BDP1: variants seen among roughly 807,000 people sequenced by gnomAD.
The protein encoded by BDP1 is BDP1 general transcription factor IIIB subunit.
A neutral mutation model predicts 266.6 loss-of-function variants in BDP1; 169 were observed. The ratio of observed to expected loss-of-function variants is 0.63; its 90% confidence interval spans 0.56 to 0.72. BDP1 has a LOEUF of 0.72. Ranked by LOEUF, BDP1 falls within the 30% of genes least tolerant of loss-of-function variation. The pLI is 0.00. For missense variants in BDP1, 3,015 were observed against 3,053.8 expected, an observed-to-expected ratio of 0.99 and a Z score of 0.30; for synonymous variants, 1,090 against 1,022.4, an observed-to-expected ratio of 1.07 and a Z score of -1.26.
At chr5:71,546,542 C>G (rs907096873) in intron 32 of BDP1, among the ~76,000 whole-genome samples, 1 of 140,870 alleles carries the variant, frequency 7.1e-6, no homozygotes, top group Non-Finnish European at 1.5e-5. Context: ...TGCTTGAACC[C>G]AGGAGACAGA....
chr5:71,495,247 T>A lies in BDP1; in HGVS notation c.1641-3T>A. 1 of 1,520,290 alleles carries A rather than the reference T, an allele frequency of 6.6e-7. No individual in the cohort carries two copies. The highest frequency in any genetic ancestry group is 8.8e-7 in the Non-Finnish European group (1 of 1,132,766). 94.2% of individuals were successfully genotyped at this position (1,520,290 alleles called of 1,614,324 possible). The stretch of plus-strand genomic sequence containing the variant: ...TCTCTCTGAAATATTTTCTTTTTTT[T>A]AGTAATCAACAAGATGCCACATCAG... On this transcript the variant is annotated splice_region_variant and splice_polypyrimidine_tract_variant and intron_variant, in intron 11 of 38. Transcript: ENST00000358731.
chr5:71,554,741 A>G (rs1460486363), intron 35 of BDP1, among the ~76,000 whole-genome samples: 7 of 147,402 alleles, frequency 4.7e-5, no homozygotes, highest in Non-Finnish European at 7.5e-5. Flanking sequence ...TTTATTTTCT[A>G]AACTTTGTTT....
intron 25 of BDP1, among the ~76,000 whole-genome samples, chr5:71,526,651 T>A (rs1580147950): frequency 3.2e-5 from 4 of 125,002 alleles, no homozygotes; most frequent in African/African-American, 8.8e-5. Flanking sequence ...AGTGCTAAAA[T>A]ACATGTAACA....
intron 25 of BDP1, among the ~76,000 whole-genome samples, chr5:71,530,052 C>T (rs277969): frequency 0.48 from 72,908 of 152,022 alleles, 17,738 homozygotes; most frequent in South Asian, 0.55. Flanking sequence ...AGTGGGTTAA[C>T]TGTATGTTAT....
intron 25 of BDP1, among the ~76,000 whole-genome samples, chr5:71,528,400 A>G (rs1246311868): frequency 2.0e-5 from 3 of 152,138 alleles, no homozygotes; most frequent in African/African-American, 7.2e-5. Context: ...CTTAATTTTC[A>G]GTCACTTCTT....
intron 38 of BDP1, 24 bp downstream of exon 38, chr5:71,562,544 A>G (rs1172468130): frequency 5.6e-6 from 9 of 1,604,652 alleles, no homozygotes; most frequent in Admixed American, 1.7e-5. Context: ...ACTGTATTTT[A>G]TAGTTTGTAT....
chr5:71,523,904 A>T (rs1482239306), intron 24 of BDP1, 35 bp from the exon 25 acceptor site: 2 of 1,561,688 alleles, frequency 1.3e-6, no homozygotes, highest in South Asian at 2.4e-5. Context: ...CCTTGCATGC[A>T]TATGACCTTA....
At chr5:71,563,565 T>G (rs1298609581) in intron 38 of BDP1, among the ~76,000 whole-genome samples, 1 of 152,234 alleles carries the variant, frequency 6.6e-6, no homozygotes, top group Non-Finnish European at 1.5e-5. Context: ...CATTTTTTAT[T>G]TCTGTTTAAT....
In BDP1 at chr5:71,545,204, A is replaced by T. The variant is rs1179745547; in HGVS notation, c.6729A>T (p.Thr2243=). Residue 2243 remains threonine, a synonymous_variant, in exon 32 of 39, where the codon ACA becomes ACT. Transcript: ENST00000358731. ...ACTCTAAAGGAGACAGTGTGCTTAC[A>T]CTTCCTGTGCCAGAGGTAAAAGAAT... ...IKDSKGDSVL[T]LPVPEYTPTS... 1.2e-6 allele frequency: 2 copies of T among 1,613,208 alleles called. No homozygotes were observed. The highest frequency in any genetic ancestry group is 2.7e-5 in the African/African-American group (2 of 74,746).
At chr5:71,487,013 G>A (rs1278413879) in intron 9 of BDP1, among the ~76,000 whole-genome samples, 1 of 152,166 alleles carries the variant, frequency 6.6e-6, no homozygotes, top group East Asian at 1.9e-4. Context: ...TGACTAGACT[G>A]TATTGGTTGA....
At chr5:71,464,255 C>T (rs765036476) in intron 4 of BDP1, 138 bp downstream of exon 4, 21 of 549,482 alleles carry the variant, frequency 3.8e-5, no homozygotes, top group East Asian at 2.9e-4. Context: ...CAGCACTTTG[C>T]GAAGCCAAGA....
At chr5:71,557,045 GTAT>G in intron 36 of BDP1, 120 bp downstream of exon 36, 2 of 502,206 alleles carry the variant, frequency 4.0e-6, no homozygotes, top group Non-Finnish European at 6.7e-6. Flanking sequence ...AGTAATACTT[GTAT>G]TATCAGCACT....
intron 37 of BDP1, among the ~76,000 whole-genome samples, chr5:71,561,258 G>A (rs975430395): frequency 3.3e-5 from 5 of 151,696 alleles, no homozygotes; most frequent in African/African-American, 1.2e-4. Flanking sequence ...AAAATTAGCT[G>A]GGCATGTTGG....
intron 17 of BDP1, among the ~76,000 whole-genome samples, chr5:71,511,989 A>G (rs1050423084): frequency 1.3e-5 from 2 of 151,416 alleles, no homozygotes; most frequent in South Asian, 2.1e-4. Flanking sequence ...AACATTTTCA[A>G]GGACTTTTTT....
At chr5:71,512,591 G>T (rs558004592) in intron 18 of BDP1, among the ~76,000 whole-genome samples, 163 bp downstream of exon 18, 2 of 152,292 alleles carry the variant, frequency 1.3e-5, no homozygotes, top group Admixed American at 1.3e-4. Flanking sequence ...ACAGTCAATT[G>T]TGAAAGTTAC....
At chr5:71,473,117 C>T (rs998752103) in intron 7 of BDP1, among the ~76,000 whole-genome samples, 2 of 151,174 alleles carry the variant, frequency 1.3e-5, no homozygotes, top group South Asian at 4.2e-4. Flanking sequence ...ACTCCTGTGC[C>T]CAAGTGATCT....
At chr5:71,522,626 G>T in intron 23 of BDP1, 130 bp from the exon 24 acceptor site, 1 of 1,181,028 alleles carries the variant, frequency 8.5e-7, no homozygotes, top group Non-Finnish European at 1.2e-6. Context: ...ACTTTCTAGT[G>T]TTGTAAAAGA....
intron 35 of BDP1, among the ~76,000 whole-genome samples, chr5:71,556,034 GTCTT>G (rs149770378): frequency 0.015 from 2,242 of 152,046 alleles, 45 homozygotes; most frequent in African/African-American, 0.051. Flanking sequence ...CTTGTTTTGT[GTCTT>G]TCTATTTTGT....
chr5:71,524,079 G>A lies in BDP1; in HGVS notation c.5528G>A (p.Gly1843Asp). The A allele has an allele frequency of 1.2e-6, 2 of 1,614,186 alleles. No homozygotes were observed. The highest frequency in any genetic ancestry group is 1.7e-6 in the Non-Finnish European group (2 of 1,180,042). ...HKKFKPNVTR[G>D]RGSKRVRGKT... ...AAGTTCAAACCAAATGTCACCAGAG[G>A]TCGTGGATCAAAACGAGTTCGGGGT... Residue 1843 changes from glycine (G) to aspartate (D), a missense_variant, in exon 25 of 39, where the codon GGT (glycine) becomes GAT (aspartate). By Grantham distance (94) the Gly-to-Asp change is moderately conservative. This residue lies in a region of BDP1 where 2,383 missense variants were observed against 2,404.9 expected (regional missense o/e 0.99). Transcript: ENST00000358731.
Sources: allele counts gnomAD v4.1 joint callset (sites outside exome capture counted in the v4.1 genomes callset), GRCh38; gene constraint gnomAD v4.1.1; regional missense constraint gnomAD v4.1.1; transcripts MANE v1.5; gene names NCBI Gene and HGNC (gene_info 2026-07-23, HGNC 2026-07-21).